Variants in PDE4B observed in about 807,000 individuals in gnomAD.
PDE4B encodes the protein phosphodiesterase 4B.
PDE4B carries 20 observed loss-of-function variants against 82.2 expected under a neutral mutation model. The ratio of observed to expected loss-of-function variants is 0.24; its 90% CI spans 0.17 to 0.35. The LOEUF is 0.35. Ranked by LOEUF, PDE4B falls within the 10% of genes least tolerant of loss-of-function variation. The probability of loss-of-function intolerance (pLI) is 1.00; values close to 1 mark genes in which losing one functional copy is unlikely to be tolerated. For synonymous variants in PDE4B, 320 were observed against 318.9 expected (o/e 1.00, Z -0.04); for missense variants, 655 against 907.2 (o/e 0.72, Z 3.57).
At chr1:65,917,043 C>G (rs1271871820) in intron 2 of PDE4B, among the ~76,000 whole-genome samples, 1 of 152,082 alleles carries the variant, frequency 6.6e-6, no homozygotes, top group Non-Finnish European at 1.5e-5. Flanking sequence ...CTGTTCTTGC[C>G]TAGATTTCTA....
At chr1:65,903,895 T>C (rs1646999293) in intron 1 of PDE4B, among the ~76,000 whole-genome samples, 1 of 152,216 alleles carries the variant, frequency 6.6e-6, no homozygotes, top group Non-Finnish European at 1.5e-5. Context: ...TCATATCCAA[T>C]TATATTTCAG....
chr1:66,058,526 T>C (rs937835635), intron 3 of PDE4B, among the ~76,000 whole-genome samples: 3 of 152,268 alleles, frequency 2.0e-5, no homozygotes, highest in Non-Finnish European at 4.4e-5. Flanking sequence ...AACTTTTGCC[T>C]GGGCATGCAG....
intron 3 of PDE4B, among the ~76,000 whole-genome samples, chr1:66,134,466 T>C (rs184044011): frequency 5.1e-4 from 77 of 152,316 alleles, no homozygotes; most frequent in African/African-American, 1.8e-3. Flanking sequence ...CTCCTACTCA[T>C]GTTATCAGAC....
intron 1 of PDE4B, among the ~76,000 whole-genome samples, chr1:65,896,305 C>G (rs533431407): frequency 8.3e-4 from 126 of 152,186 alleles, no homozygotes; most frequent in African/African-American, 2.6e-3. Flanking sequence ...AGGGAACTCC[C>G]CTTTATAAAG....
chr1:65,885,660 A>G (rs1175352467), intron 1 of PDE4B, among the ~76,000 whole-genome samples: 6 of 151,714 alleles, frequency 4.0e-5, no homozygotes, highest in Non-Finnish European at 7.4e-5. Context: ...GAATTGAACA[A>G]TGAGAACACT....
chr1:65,807,842 T>C (rs754265008), intron 1 of PDE4B, among the ~76,000 whole-genome samples: 1 of 152,176 alleles, frequency 6.6e-6, no homozygotes, highest in Non-Finnish European at 1.5e-5. Context: ...TTGGTGTCAG[T>C]AGAAGGTATC....
At chr1:66,259,133 CATTT>C (rs566636171) in intron 6 of PDE4B, among the ~76,000 whole-genome samples, 2 of 152,110 alleles carry the variant, frequency 1.3e-5, no homozygotes, top group African/African-American at 2.4e-5. Flanking sequence ...GGTAGAACTC[CATTT>C]ATTTATTTAT....
intron 7 of PDE4B, among the ~76,000 whole-genome samples, chr1:66,283,074 A>G (rs1656408130): frequency 6.6e-6 from 1 of 152,160 alleles, no homozygotes; most frequent in Non-Finnish European, 1.5e-5. Flanking sequence ...GGAAAATAAA[A>G]AGGAAGGGGA....
chr1:65,984,476 G>T (rs1016352024), intron 3 of PDE4B, among the ~76,000 whole-genome samples: 1 of 152,114 alleles, frequency 6.6e-6, no homozygotes. Flanking sequence ...ATTTTATTTC[G>T]TGATAAATTA....
rs745523527 is a variant in PDE4B at position 66,182,295 on chromosome 1, G to A, written c.282-65165G>A. On this transcript the variant is annotated intron_variant, in intron 3 of 16. Coordinates refer to ENST00000341517, the MANE Select transcript of PDE4B (RefSeq NM_002600.4). The stretch of plus-strand genomic sequence containing the variant: ...ACATTTGGACATTTCTTGGAAACAC[G>A]TCAGAATTCATCATTTGGCTTTATT... Among the ~76,000 whole-genome samples, 8 of 151,956 alleles carry A rather than the reference G, an allele frequency of 5.3e-5. No homozygotes were observed. The South Asian group carries it at 6.2e-4, about 12-fold the overall frequency.
At chr1:66,009,905 TTATC>T (rs80200150) in intron 3 of PDE4B, among the ~76,000 whole-genome samples, 52,823 of 130,224 alleles carry the variant, frequency 0.41, 11,050 homozygotes, top group Non-Finnish European at 0.51. Context: ...ATCTGTATCT[TTATC>T]TATCTATCTA....
At chr1:66,332,823 G>A (rs947567447) in intron 8 of PDE4B, among the ~76,000 whole-genome samples, 3 of 152,166 alleles carry the variant, frequency 2.0e-5, no homozygotes, top group Admixed American at 6.5e-5. Flanking sequence ...TCCTCAGTAC[G>A]CTTCAATTTC....
chr1:66,328,582 G>A (rs560784982), intron 7 of PDE4B, among the ~76,000 whole-genome samples: 2 of 152,322 alleles, frequency 1.3e-5, no homozygotes, highest in East Asian at 3.9e-4. Flanking sequence ...AATGGAGTAT[G>A]TGCCAGTGGC....
intron 8 of PDE4B, among the ~76,000 whole-genome samples, chr1:66,353,753 C>T: frequency 6.6e-6 from 1 of 152,134 alleles, no homozygotes; most frequent in East Asian, 1.9e-4. Flanking sequence ...GAATGACTTT[C>T]TCAACATGCC....
intron 8 of PDE4B, among the ~76,000 whole-genome samples, chr1:66,333,238 G>T (rs1047376534): frequency 1.3e-5 from 2 of 152,144 alleles, no homozygotes; most frequent in Admixed American, 6.5e-5. Flanking sequence ...ATTTGAAATT[G>T]CTTCATGCAT....
chr1:65,855,383 T>G (rs556789423), intron 1 of PDE4B, among the ~76,000 whole-genome samples: 1 of 152,294 alleles, frequency 6.6e-6, no homozygotes, highest in East Asian at 1.9e-4. Flanking sequence ...CAGCTTAGTT[T>G]GATCCTTTTG....
At chr1:66,290,226 G>T (rs1216219883) in intron 7 of PDE4B, among the ~76,000 whole-genome samples, 1 of 152,154 alleles carries the variant, frequency 6.6e-6, no homozygotes, top group East Asian at 1.9e-4. Flanking sequence ...CAGAAAGCAG[G>T]TTGAGGTGTT....
intron 3 of PDE4B, among the ~76,000 whole-genome samples, chr1:66,015,764 G>A (rs1236660586): frequency 6.6e-6 from 1 of 152,020 alleles, no homozygotes; most frequent in Non-Finnish European, 1.5e-5. Flanking sequence ...AGGAAAAGGT[G>A]GGGGGTGTTT....
At chr1:66,292,437 G>A (rs538287559) in intron 7 of PDE4B, among the ~76,000 whole-genome samples, 1 of 152,276 alleles carries the variant, frequency 6.6e-6, no homozygotes, top group South Asian at 2.1e-4. Flanking sequence ...GCCTTTGAAG[G>A]CCAAGTCATT....
Sources: allele counts gnomAD v4.1 joint callset (sites outside exome capture counted in the v4.1 genomes callset), GRCh38; gene constraint gnomAD v4.1.1; transcripts MANE v1.5; gene names NCBI Gene and HGNC (gene_info 2026-07-23, HGNC 2026-07-21).